TRPM6: variants seen among roughly 807,000 people sequenced by gnomAD.
TRPM6 encodes channel kinase 2.
A neutral mutation model predicts 247.6 loss-of-function variants in TRPM6; 111 were observed. That is an observed-to-expected ratio of 0.45 (90% CI 0.38 to 0.52). The LOEUF (loss-of-function observed/expected upper bound fraction) is 0.52, where lower values mean the gene tolerates loss of function less well. TRPM6 is among the 20% of genes least tolerant of loss of function. The pLI, the probability that TRPM6 is intolerant of heterozygous loss-of-function variation, is 0.00. For missense variants in TRPM6, 2,126 were observed against 2,421.5 expected (o/e 0.88, Z 2.56); for synonymous variants, 892 against 853.8 (o/e 1.04, Z -0.78).
chr9:74,782,118 T>C (rs902456526), intron 23 of TRPM6, among the ~76,000 whole-genome samples: 10 of 152,206 alleles, frequency 6.6e-5, no homozygotes. Context: ...GAGTTTGGTA[T>C]CTGCAGGGGG....
In TRPM6 at chr9:74,821,752, G is replaced by T; in HGVS notation, c.927C>A (p.Asp309Glu). 2 of 1,614,206 alleles carry T rather than the reference G, an allele frequency of 1.2e-6. No individual in the cohort carries two copies. Among genetic ancestry groups the T allele is most frequent in the Non-Finnish European group, 1.7e-6 (2 of 1,180,040 alleles). ...CCTCACACACCACCACTGGGTCCTTGTCCTTGACAGTCTCCCACACTGACA... is the reference window on the plus strand; with the variant it reads ...CCTCACACACCACCACTGGGTCCTTTTCCTTGACAGTCTCCCACACTGACA... ...VILSVWETVK[D>E]KDPVVVCEGT... The change falls in exon 8 of 39, where the codon GAC (aspartate) becomes GAA (glutamate). Residue 309 changes from aspartate (D) to glutamate (E), a missense_variant. By Grantham distance (45) the Asp-to-Glu change is conservative. Around this residue, in one of 3 missense-constraint regions of TRPM6, gnomAD observed 1,082 missense variants for 1,307.9 expected, o/e 0.83. Transcript: ENST00000360774.
At chr9:74,820,212 C>A (rs1287708536) in intron 9 of TRPM6, 92 bp downstream of exon 9, 1 of 1,439,708 alleles carries the variant, frequency 6.9e-7, no homozygotes, top group Admixed American at 1.7e-5. Flanking sequence ...CCTGTGTCCA[C>A]CATGTTTTTT....
chr9:74,759,951 C>A (rs1178414813), intron 27 of TRPM6, among the ~76,000 whole-genome samples: 2 of 152,124 alleles, frequency 1.3e-5, no homozygotes, highest in Non-Finnish European at 2.9e-5. Flanking sequence ...GGGCAAAGAT[C>A]TGAACAAACA....
intron 7 of TRPM6, among the ~76,000 whole-genome samples, chr9:74,823,425 T>C (rs2118014278): frequency 6.6e-6 from 1 of 152,348 alleles, no homozygotes; most frequent in East Asian, 1.9e-4. Context: ...CATTTAAATA[T>C]CTAGACGTAT....
Position 74,808,079 on chromosome 9 carries a change from T to C in TRPM6, c.1593A>G (p.Arg531=). The C allele has an allele frequency of 1.9e-6, 3 of 1,614,046 alleles. No homozygotes were observed. The highest frequency in any genetic ancestry group is 2.5e-6 in the Non-Finnish European group (3 of 1,179,950). Residue 531 remains arginine (R), a synonymous_variant, in exon 14 of 39, where the codon AGA becomes AGG. Coordinates refer to ENST00000360774, the MANE Select transcript of TRPM6 (RefSeq NM_017662.5). ...IGRAYRSNYT[R]KHFRALYNNL... ...TGTTGTAGAGGGCTCTGAAATGTTT[T>C]CTAGTGTAGTTGCTGCGATATGCTC...
intron 1 of TRPM6, among the ~76,000 whole-genome samples, chr9:74,869,843 G>A (rs1208552069): frequency 1.3e-5 from 2 of 152,210 alleles, no homozygotes; most frequent in African/African-American, 4.8e-5. Context: ...ATGGACAGCT[G>A]AAGAGGAAGG....
At chr9:74,786,289 A>G (rs1043874148) in intron 20 of TRPM6, among the ~76,000 whole-genome samples, 164 bp from the exon 21 acceptor site, 1 of 152,254 alleles carries the variant, frequency 6.6e-6, no homozygotes, top group African/African-American at 2.4e-5. Flanking sequence ...ATCAGTAATG[A>G]ATTATTTAAA....
chr9:74,799,430 A>G (rs1828223464), intron 17 of TRPM6, among the ~76,000 whole-genome samples: 1 of 152,112 alleles, frequency 6.6e-6, no homozygotes, highest in Admixed American at 6.5e-5. Context: ...ATTATTCTTG[A>G]TAATTTAAGA....
At chr9:74,785,580 T>C (rs904854923) in intron 21 of TRPM6, among the ~76,000 whole-genome samples, 8 of 152,140 alleles carry the variant, frequency 5.3e-5, no homozygotes, top group Non-Finnish European at 7.3e-5. Context: ...TGGAGTGCAG[T>C]GGCGCAATCT....
intron 1 of TRPM6, chr9:74,887,459 C>G: frequency 9.3e-7 from 1 of 1,071,956 alleles, no homozygotes; most frequent in Non-Finnish European, 1.3e-6. Context: ...ACTCCTCTCC[C>G]TCCGGCCCGG....
At chr9:74,730,683 G>C (rs754948005) in intron 37 of TRPM6, among the ~76,000 whole-genome samples, 1 of 152,126 alleles carries the variant, frequency 6.6e-6, no homozygotes, top group Non-Finnish European at 1.5e-5. Flanking sequence ...CCATCTTCCC[G>C]GTGATGCTGA....
intron 27 of TRPM6, among the ~76,000 whole-genome samples, chr9:74,757,319 C>A (rs542675419): frequency 5.3e-5 from 8 of 152,200 alleles, no homozygotes; most frequent in Non-Finnish European, 7.4e-5. Flanking sequence ...GTGGCTTATG[C>A]CTGTAATCCC....
At chr9:74,785,641 G>C (rs963627721) in intron 21 of TRPM6, among the ~76,000 whole-genome samples, 1 of 152,078 alleles carries the variant, frequency 6.6e-6, no homozygotes, top group African/African-American at 2.4e-5. Context: ...TCCCGCCTCA[G>C]CCTCCTGAGT....
rs372196158 is a variant in TRPM6, at chr9:74,754,200, T to C, written c.4906+1153A>G. Reference sequence around the variant, plus strand: ...TTATGGTCTCTAGTAAATGGTATGATTAAAGTCAAGGTAAATTAAGCTCTC... The same window carrying C: ...TTATGGTCTCTAGTAAATGGTATGACTAAAGTCAAGGTAAATTAAGCTCTC... On this transcript the variant is annotated intron_variant, in intron 28 of 38. Coordinates refer to ENST00000360774, the MANE Select transcript of TRPM6 (RefSeq NM_017662.5). Among the ~76,000 whole-genome samples the C allele has an allele frequency of 7.0e-4, 107 of 152,244 alleles. 4 individuals carry two copies. In the South Asian group the frequency reaches 9.5e-3, roughly 14 times the overall value.
chr9:74,858,815 C>A (rs1830607991), intron 1 of TRPM6, 67 bp from the exon 2 acceptor site: 10 of 1,307,582 alleles, frequency 7.6e-6, no homozygotes, highest in Non-Finnish European at 1.1e-5. Flanking sequence ...ATAGTAGTTC[C>A]TGCAGGTAAG....
intron 11 of TRPM6, among the ~76,000 whole-genome samples, chr9:74,816,376 A>G (rs1828925252): frequency 6.6e-6 from 1 of 151,836 alleles, no homozygotes; most frequent in Non-Finnish European, 1.5e-5. Context: ...GTCTAAAAAT[A>G]AAATAACATA....
In TRPM6 at chr9:74,785,791, G is replaced by A. The variant is rs530253284; in HGVS notation, c.2919+83C>T. On this transcript the variant is annotated intron_variant, in intron 21 of 38. Coordinates refer to ENST00000360774, the MANE Select transcript of TRPM6 (RefSeq NM_017662.5). ...GCCCGCCTTGGCCTCCCAAAGTGCT[G>A]GGATTACAGGTGTGAGCCACCACAC... 3.7e-5 allele frequency: 56 copies of A among 1,522,610 alleles called. No individual in the cohort carries two copies. The East Asian group carries it at 7.4e-4, about 20-fold the overall frequency. 94.3% of individuals were successfully genotyped at this position (1,522,610 alleles called of 1,614,324 possible).
chr9:74,746,550 T>C (rs918016599), intron 31 of TRPM6, among the ~76,000 whole-genome samples: 1 of 152,188 alleles, frequency 6.6e-6, no homozygotes, highest in African/African-American at 2.4e-5. Flanking sequence ...GAAATTTGAA[T>C]TGAGATCCAG....
chr9:74,818,883 T>C (rs1489126188), intron 9 of TRPM6, among the ~76,000 whole-genome samples: 2 of 152,004 alleles, frequency 1.3e-5, no homozygotes, highest in East Asian at 3.9e-4. Flanking sequence ...TGAGGCCAGG[T>C]ACTCAAATAT....
Sources: allele counts gnomAD v4.1 joint callset (sites outside exome capture counted in the v4.1 genomes callset), GRCh38; gene constraint gnomAD v4.1.1; regional missense constraint gnomAD v4.1.1; transcripts MANE v1.5; gene names NCBI Gene and HGNC (gene_info 2026-07-23, HGNC 2026-07-21).